Variants in TAFA5 observed in about 807,000 individuals in gnomAD.
TAFA5 encodes the protein TAFA chemokine like family member 5.
Under a neutral mutation model 15.3 loss-of-function variants are expected in TAFA5, and 6 were observed. The ratio of observed to expected loss-of-function variants is 0.39; its 90% CI spans 0.21 to 0.77. The LOEUF is 0.77. Among genes scored for constraint, TAFA5 ranks in the 30% least tolerant of loss-of-function variants. The pLI, the probability that TAFA5 is intolerant of heterozygous loss-of-function variation, is 0.41. For synonymous variants in TAFA5, 103 were observed against 80.7 expected (o/e 1.28, Z -1.48); for missense variants, 161 against 193.1 (o/e 0.83, Z 0.98).
intron 3 of TAFA5, among the ~76,000 whole-genome samples, chr22:48,747,126 T>C (rs1300215299): frequency 3.9e-5 from 6 of 152,174 alleles, no homozygotes; most frequent in Admixed American, 3.9e-4. Context: ...GGCCCTGCCC[T>C]GCCCTAATGC....
intron 2 of TAFA5, among the ~76,000 whole-genome samples, chr22:48,673,207 G>A (rs1927857652): frequency 1.3e-5 from 2 of 152,196 alleles, no homozygotes. Flanking sequence ...GAACTTTGGG[G>A]GAACTCTTGC....
At chr22:48,526,882 A>G (rs1921798949) in intron 1 of TAFA5, among the ~76,000 whole-genome samples, 1 of 152,376 alleles carries the variant, frequency 6.6e-6, no homozygotes, top group South Asian at 2.1e-4. Flanking sequence ...GTCATTAGAA[A>G]GAATTAACAA....
At chr22:48,663,268 AG>A (rs1272086289) in intron 2 of TAFA5, among the ~76,000 whole-genome samples, 1 of 152,222 alleles carries the variant, frequency 6.6e-6, no homozygotes, top group African/African-American at 2.4e-5. Context: ...CTGCTTCTCA[AG>A]GTCAAGCCAG....
intron 1 of TAFA5, among the ~76,000 whole-genome samples, chr22:48,583,266 A>G (rs1373113333): frequency 4.6e-5 from 7 of 150,772 alleles, no homozygotes; most frequent in Non-Finnish European, 8.9e-5. Flanking sequence ...CACTATACAC[A>G]CACCACACAC....
chr22:48,662,921 G>A (rs1176615986), intron 2 of TAFA5, among the ~76,000 whole-genome samples: 5 of 152,236 alleles, frequency 3.3e-5, no homozygotes, highest in Non-Finnish European at 7.3e-5. Context: ...TCCCACGCAG[G>A]GAGCCCGAGA....
At chr22:48,574,040 C>T (rs1005847348) in intron 1 of TAFA5, among the ~76,000 whole-genome samples, 1 of 151,858 alleles carries the variant, frequency 6.6e-6, no homozygotes, top group Non-Finnish European at 1.5e-5. Flanking sequence ...GCGAGCCAGG[C>T]AGGGTGGGTT....
At chr22:48,674,005 TGCCCGCCTCACATCTGGACTCCTCTTC>T (rs1181342640) in intron 2 of TAFA5, among the ~76,000 whole-genome samples, 3 of 151,434 alleles carry the variant, frequency 2.0e-5, no homozygotes, top group Non-Finnish European at 4.4e-5. Context: ...CTGGACTTTT[TGCCCGCCTCACATCTGGACTCCTCTTC>T]GCCCGCCTCA....
intron 2 of TAFA5, among the ~76,000 whole-genome samples, chr22:48,680,431 T>A (rs1349698128): frequency 1.3e-5 from 2 of 151,978 alleles, no homozygotes; most frequent in Admixed American, 1.3e-4. Context: ...GCATTTAGTC[T>A]CCATTCAAGT....
At chr22:48,646,021 G>A (rs1397072778) in intron 1 of TAFA5, among the ~76,000 whole-genome samples, 2 of 152,170 alleles carry the variant, frequency 1.3e-5, no homozygotes, top group Non-Finnish European at 2.9e-5. Flanking sequence ...CTTTGGCATC[G>A]ATGCACACAG....
At chr22:48,553,627 C>T (rs1922932317) in intron 1 of TAFA5, among the ~76,000 whole-genome samples, 1 of 152,138 alleles carries the variant, frequency 6.6e-6, no homozygotes, top group Non-Finnish European at 1.5e-5. Context: ...CACCCGGGGC[C>T]CAGACAGTGT....
intron 1 of TAFA5, among the ~76,000 whole-genome samples, chr22:48,614,765 C>T (rs1925535251): frequency 6.6e-6 from 1 of 152,210 alleles, no homozygotes; most frequent in South Asian, 2.1e-4. Context: ...TGACCGAGAG[C>T]TTCGTTCACA....
chr22:48,713,905 C>A (rs1279309282), intron 3 of TAFA5, among the ~76,000 whole-genome samples: 1 of 152,238 alleles, frequency 6.6e-6, no homozygotes, highest in African/African-American at 2.4e-5. Context: ...CAACGTGGCC[C>A]CACTAACAGA....
intron 2 of TAFA5, among the ~76,000 whole-genome samples, chr22:48,694,283 C>T (rs2147240668): frequency 6.6e-6 from 1 of 152,332 alleles, no homozygotes; most frequent in South Asian, 2.1e-4. Context: ...CCAAGGGCCC[C>T]AACGCTCAGA....
chr22:48,579,594 C>T (rs1216556457), intron 1 of TAFA5, among the ~76,000 whole-genome samples: 1 of 152,200 alleles, frequency 6.6e-6, no homozygotes, highest in Non-Finnish European at 1.5e-5. Flanking sequence ...TGTTTGGCCT[C>T]CAAATACGGA....
intron 1 of TAFA5, among the ~76,000 whole-genome samples, chr22:48,579,465 TG>T (rs35473450): frequency 0.025 from 3,823 of 152,080 alleles, 139 homozygotes; most frequent in African/African-American, 0.078. Flanking sequence ...GTAGTTAAAG[TG>T]GGGGACGAGG....
chr22:48,546,878 T>G (rs934413937), intron 1 of TAFA5: 2 of 272,440 alleles, frequency 7.3e-6, no homozygotes, highest in African/African-American at 2.2e-5. Context: ...CACAAGCTGT[T>G]ACTACCGACT....
At chr22:48,494,077 C>T (rs1928244173) in intron 1 of TAFA5, among the ~76,000 whole-genome samples, 1 of 152,210 alleles carries the variant, frequency 6.6e-6, no homozygotes, top group Admixed American at 6.5e-5. Context: ...TACCAGGCTC[C>T]CCAGCTAAGT....
chr22:48,639,945 C>T (rs960429051), intron 1 of TAFA5, among the ~76,000 whole-genome samples: 1 of 152,170 alleles, frequency 6.6e-6, no homozygotes, highest in African/African-American at 2.4e-5. Flanking sequence ...CGCACCCCCC[C>T]AACCCCGCCG....
chr22:48,641,347 C>T (rs1926668861), intron 1 of TAFA5, among the ~76,000 whole-genome samples: 1 of 152,100 alleles, frequency 6.6e-6, no homozygotes. Flanking sequence ...GACAGAAAGT[C>T]AAATTTGGGG....
Sources: allele counts gnomAD v4.1 joint callset (sites outside exome capture counted in the v4.1 genomes callset), GRCh38; gene constraint gnomAD v4.1.1; transcripts MANE v1.5; gene names NCBI Gene and HGNC (gene_info 2026-07-23, HGNC 2026-07-21).